Variants in PRKAR1B observed in about 807,000 individuals in gnomAD.
PRKAR1B encodes the protein protein kinase cAMP-dependent type I regulatory subunit beta.
In PRKAR1B, 22 loss-of-function variants were observed where a neutral mutation model predicts 46.5. That is an observed-to-expected ratio of 0.47 (90% CI 0.34 to 0.68). The LOEUF is 0.68. PRKAR1B is among the 30% of genes least tolerant of loss of function. The pLI is 0.01. For synonymous variants in PRKAR1B, 259 were observed against 217.7 expected (o/e 1.19, Z -1.67); for missense variants, 445 against 535.6 (o/e 0.83, Z 1.67).
chr7:701,055 G>A (rs1413292739), intron 2 of PRKAR1B, among the ~76,000 whole-genome samples: 3 of 152,078 alleles, frequency 2.0e-5, no homozygotes, highest in South Asian at 4.1e-4. Context: ...GGGCATGGTG[G>A]TGCGCATCTG....
intron 2 of PRKAR1B, among the ~76,000 whole-genome samples, chr7:710,643 C>CTT (rs1177446855): frequency 1.8e-3 from 244 of 137,616 alleles, no homozygotes; most frequent in African/African-American, 4.2e-3. Context: ...TTTCTTTTTC[C>CTT]TTTTTTTTTT....
At chr7:580,406 A>G (rs912434537) in intron 8 of PRKAR1B, among the ~76,000 whole-genome samples, 1 of 144,560 alleles carries the variant, frequency 6.9e-6, no homozygotes, top group Non-Finnish European at 1.5e-5. Flanking sequence ...TACAAAAAAA[A>G]TAATAATAAT....
chr7:617,772 G>A (rs779480179), intron 4 of PRKAR1B, among the ~76,000 whole-genome samples: 2 of 152,122 alleles, frequency 1.3e-5, no homozygotes, highest in African/African-American at 2.4e-5. Flanking sequence ...GGCCCCTCCC[G>A]GAGCAGAGCC....
intron 4 of PRKAR1B, among the ~76,000 whole-genome samples, chr7:608,641 CTG>C (rs1782264027): frequency 1.9e-5 from 1 of 52,746 alleles, no homozygotes; most frequent in Non-Finnish European, 4.7e-5. Context: ...GGGGCCTCCA[CTG>C]TCCTCCCACC....
intron 2 of PRKAR1B, among the ~76,000 whole-genome samples, chr7:710,691 G>C (rs1302985652): frequency 2.7e-5 from 4 of 148,946 alleles, no homozygotes; most frequent in Non-Finnish European, 5.9e-5. Context: ...TGTCGCCCAG[G>C]CTGGAGTGCA....
chr7:715,575 G>A (rs563418294), intron 1 of PRKAR1B, among the ~76,000 whole-genome samples: 1 of 152,204 alleles, frequency 6.6e-6, no homozygotes, highest in African/African-American at 2.4e-5. Flanking sequence ...CCCTGGGGTA[G>A]GTTATTTTTC....
Position 670,114 on chromosome 7 carries a change from C to G in PRKAR1B, c.440+7115G>C, listed in dbSNP as rs952701735. Reference sequence around the variant, plus strand: ...CAATCTCCTGACCTCGTGATCCACCCGCCTCGGCCTCCCAAAGTGCTGGAA... The same window carrying G: ...CAATCTCCTGACCTCGTGATCCACCGGCCTCGGCCTCCCAAAGTGCTGGAA... On this transcript the variant is annotated intron_variant, in intron 4 of 10. Coordinates refer to ENST00000537384, the MANE Select transcript of PRKAR1B (RefSeq NM_001164760.2). Among the ~76,000 whole-genome samples the G allele has an allele frequency of 2.6e-5, 4 of 151,834 alleles. No homozygotes were observed. The East Asian group carries it at 7.8e-4, about 30-fold the overall frequency.
At chr7:577,541 C>T (rs989269523) in intron 9 of PRKAR1B, among the ~76,000 whole-genome samples, 3 of 152,212 alleles carry the variant, frequency 2.0e-5, no homozygotes, top group Non-Finnish European at 2.9e-5. Context: ...ACCACACAGC[C>T]TGGACAGGTC....
At chr7:660,877 G>A (rs1187535733) in intron 4 of PRKAR1B, among the ~76,000 whole-genome samples, 3 of 118,806 alleles carry the variant, frequency 2.5e-5, no homozygotes, top group Non-Finnish European at 5.2e-5. Context: ...CATGGCACAG[G>A]TCCCTACTCC....
intron 9 of PRKAR1B, among the ~76,000 whole-genome samples, chr7:552,269 A>G (rs1005881956): frequency 1.3e-5 from 1 of 78,598 alleles, no homozygotes; most frequent in South Asian, 5.1e-4. Context: ...GTCCTTCTCC[A>G]GAGCTACTGC....
chr7:649,439 G>A (rs76270105), intron 4 of PRKAR1B, among the ~76,000 whole-genome samples: 4 of 152,286 alleles, frequency 2.6e-5, no homozygotes, highest in East Asian at 3.9e-4. Flanking sequence ...TTAGCAGACA[G>A]TTAACTAAAC....
At chr7:635,609 C>T (rs1015676907) in intron 4 of PRKAR1B, among the ~76,000 whole-genome samples, 17 of 152,302 alleles carry the variant, frequency 1.1e-4, no homozygotes, top group Non-Finnish European at 2.4e-4. Flanking sequence ...GGGACTCCTC[C>T]GCTGCCTCCC....
chr7:630,861 G>T (rs1369179926), intron 4 of PRKAR1B, among the ~76,000 whole-genome samples: 1 of 152,080 alleles, frequency 6.6e-6, no homozygotes, highest in Non-Finnish European at 1.5e-5. Context: ...GGGCCCACAC[G>T]TGTGACCTTC....
At chr7:662,773 C>T (rs1354618519) in intron 4 of PRKAR1B, among the ~76,000 whole-genome samples, 2 of 152,220 alleles carry the variant, frequency 1.3e-5, no homozygotes, top group African/African-American at 4.8e-5. Context: ...GCACCCACAG[C>T]AGAGTCTGAG....
At chr7:648,731 AAGAC>A in intron 4 of PRKAR1B, among the ~76,000 whole-genome samples, 1 of 152,222 alleles carries the variant, frequency 6.6e-6, no homozygotes, top group Non-Finnish European at 1.5e-5. Flanking sequence ...GCAGTGAGCT[AAGAC>A]TGCACCATTG....
rs566421841 is a variant in PRKAR1B, at chr7:572,179, G to A, written c.891+7077C>T. ...CCTGGGGCTCAGGGCTCCCGCTGACGCACAGGGTGCGGTGGGTACCATAGC... is the reference window on the plus strand; with the variant it reads ...CCTGGGGCTCAGGGCTCCCGCTGACACACAGGGTGCGGTGGGTACCATAGC... On this transcript the variant is annotated intron_variant, in intron 9 of 10. Coordinates refer to ENST00000537384, the MANE Select transcript of PRKAR1B (RefSeq NM_001164760.2). 4.6e-5 allele frequency among the ~76,000 whole-genome samples: 7 copies of A among 152,304 alleles called. 1 individual carries two copies. The highest frequency in any genetic ancestry group is 1.4e-4 in the African/African-American group (6 of 41,568).
chr7:619,750 A>G (rs1402264803), intron 4 of PRKAR1B, among the ~76,000 whole-genome samples: 1 of 152,256 alleles, frequency 6.6e-6, no homozygotes, highest in Non-Finnish European at 1.5e-5. Context: ...TCTTGGTAGG[A>G]GAAGTCCCTC....
chr7:569,831 G>A (rs374372125), intron 9 of PRKAR1B, among the ~76,000 whole-genome samples: 29 of 152,150 alleles, frequency 1.9e-4, no homozygotes, highest in Non-Finnish European at 3.1e-4. Flanking sequence ...CAGTGAGCCC[G>A]CAGACCCCAC....
At chr7:720,012 T>C (rs1285713401) in intron 1 of PRKAR1B, among the ~76,000 whole-genome samples, 1 of 151,890 alleles carries the variant, frequency 6.6e-6, no homozygotes, top group Non-Finnish European at 1.5e-5. Context: ...ATGGTAAGTG[T>C]GATTCCATTA....
Sources: gnomAD v4.1 joint callset for allele counts (sites outside exome capture counted in the v4.1 genomes callset) on GRCh38, gnomAD v4.1.1 for gene constraint, MANE v1.5 for transcripts, NCBI Gene and HGNC (gene_info 2026-07-23, HGNC 2026-07-21) for gene names.